The following CTNND2 variants were observed in gnomAD, a reference collection of about 807,000 sequenced individuals.
The protein encoded by CTNND2 is catenin delta 2.
A neutral mutation model predicts 144.4 loss-of-function variants in CTNND2; 22 were observed. The observed-to-expected ratio is 0.15, with a 90% CI of 0.11 to 0.22. CTNND2 has a LOEUF of 0.22. Ranked by LOEUF, CTNND2 falls within the 10% of genes least tolerant of loss-of-function variation. The pLI is 1.00. For missense variants in CTNND2, 1,353 were observed against 1,618.8 expected (o/e 0.84, Z 2.82); for synonymous variants, 751 against 695.6 (o/e 1.08, Z -1.25).
At chr5:11,878,711 C>T (rs1435673024) in intron 1 of CTNND2, among the ~76,000 whole-genome samples, 5 of 152,168 alleles carry the variant, frequency 3.3e-5, no homozygotes, top group Admixed American at 2.0e-4. Context: ...CTGCTTCATG[C>T]ACGTTAGCAG....
chr5:11,842,702 G>A (rs1361409621), intron 1 of CTNND2, among the ~76,000 whole-genome samples: 1 of 147,468 alleles, frequency 6.8e-6, no homozygotes, highest in Non-Finnish European at 1.5e-5. Context: ...CTGGGTGACA[G>A]AGACAGACTC....
intron 9 of CTNND2, among the ~76,000 whole-genome samples, chr5:11,326,871 A>G (rs1752588737): frequency 6.6e-6 from 1 of 152,224 alleles, no homozygotes; most frequent in Non-Finnish European, 1.5e-5. Context: ...GTGGGGGCAC[A>G]GCTGGGATTC....
intron 1 of CTNND2, among the ~76,000 whole-genome samples, chr5:11,805,353 C>T (rs1581914252): frequency 1.3e-5 from 2 of 152,042 alleles, no homozygotes; most frequent in East Asian, 3.9e-4. Flanking sequence ...AGTCTAAAAA[C>T]AAGGACACTC....
At chr5:11,353,129 T>C (rs1399790239) in intron 8 of CTNND2, among the ~76,000 whole-genome samples, 1 of 143,380 alleles carries the variant, frequency 7.0e-6, no homozygotes, top group Non-Finnish European at 1.5e-5. Flanking sequence ...AGGATAAAAA[T>C]AAATGCTACA....
Position 11,397,159 on chromosome 5 carries a change from G to A in CTNND2, c.484C>T (p.Pro162Ser), listed in dbSNP as rs1760221488. Residue 162 changes from proline (P) to serine (S), a missense_variant, in exon 6 of 22, where the codon CCT becomes TCT. Transcript: ENST00000304623. ...SQSALQLNSK[P>S]EGSFQYPASY... ...GCCGGATACTGGAAAGACCCTTCAG[G>A]TTTGGAATTGAGCTGAAGTGCACTC... 3 of 1,614,232 alleles carry A rather than the reference G, an allele frequency of 1.9e-6. No homozygotes were observed. Among genetic ancestry groups the A allele is most frequent in the Non-Finnish European group, 2.5e-6 (3 of 1,180,042 alleles).
At chr5:11,526,617 T>C (rs1313560771) in intron 3 of CTNND2, among the ~76,000 whole-genome samples, 3 of 152,208 alleles carry the variant, frequency 2.0e-5, no homozygotes, top group Non-Finnish European at 2.9e-5. Flanking sequence ...CTAAGCATTT[T>C]GTTATGTATT....
chr5:11,715,339 G>A (rs531832306), intron 2 of CTNND2, among the ~76,000 whole-genome samples: 8 of 151,936 alleles, frequency 5.3e-5, no homozygotes, highest in South Asian at 4.2e-4. Context: ...GTAATCTGTT[G>A]GGGAAAAAAA....
At chr5:11,331,248 T>C (rs1443617182) in intron 9 of CTNND2, among the ~76,000 whole-genome samples, 1 of 152,178 alleles carries the variant, frequency 6.6e-6, no homozygotes, top group Non-Finnish European at 1.5e-5. Context: ...AGAAAGGGTA[T>C]GCTTATTTTT....
At chr5:10,983,956 G>A (rs1030621813) in intron 20 of CTNND2, among the ~76,000 whole-genome samples, 2 of 152,236 alleles carry the variant, frequency 1.3e-5, no homozygotes, top group Admixed American at 6.5e-5. Flanking sequence ...GGCCAAACTT[G>A]TTTAGCTTCG....
chr5:11,323,445 G>C (rs1228889161), intron 9 of CTNND2, among the ~76,000 whole-genome samples: 1 of 152,134 alleles, frequency 6.6e-6, no homozygotes, highest in African/African-American at 2.4e-5. Context: ...ACTAAGTTGG[G>C]ACACAGTGAG....
chr5:11,011,662 G>T lies in CTNND2; in HGVS notation c.3084+6312C>A, dbSNP rs372474413. 1.4e-3 allele frequency among the ~76,000 whole-genome samples: 217 copies of T among 152,286 alleles called. 4 individuals are homozygous for T. In the South Asian group the frequency reaches 0.042, roughly 30 times the overall value. On this transcript the variant is annotated intron_variant, in intron 18 of 21. Transcript: ENST00000304623. ...ATCTACCACTTTAACAACAGGGACT[G>T]CCCTGACCCTTTCCATAGTAACTTT...
chr5:11,128,741 T>TTATATATACTA (rs1754952734), intron 12 of CTNND2, among the ~76,000 whole-genome samples: 1 of 61,980 alleles, frequency 1.6e-5, no homozygotes, highest in Non-Finnish European at 2.6e-5. Context: ...ATATATATAT[T>TTATATATACTA]TATATATATT....
At chr5:11,359,638 C>A (rs554692000) in intron 8 of CTNND2, among the ~76,000 whole-genome samples, 1 of 152,188 alleles carries the variant, frequency 6.6e-6, no homozygotes, top group Non-Finnish European at 1.5e-5. Context: ...TTTCTATCTG[C>A]CTCCCTGTTC....
At position 11,253,230 on chromosome 5, in the gene CTNND2, T is replaced by C. The variant is rs566616210; in HGVS notation, c.1629-16407A>G. ...TTGGCTTCTCACTGGGCCCCATTTG[T>C]TCAAATTCCTCCCAGATTTGTCATG... On this transcript the variant is annotated intron_variant, in intron 9 of 21. Transcript: ENST00000304623. Among the ~76,000 whole-genome samples, 31 of 152,328 alleles carry C rather than the reference T, an allele frequency of 2.0e-4. No homozygotes were observed. In the Middle Eastern group the frequency reaches 0.01, roughly 50 times the overall value.
At chr5:11,247,079 C>T (rs1019359447) in intron 9 of CTNND2, among the ~76,000 whole-genome samples, 2 of 152,174 alleles carry the variant, frequency 1.3e-5, no homozygotes, top group African/African-American at 4.8e-5. Context: ...TATTGACTCT[C>T]ATAAACTGCA....
At chr5:11,168,194 T>C (rs999101943) in intron 11 of CTNND2, among the ~76,000 whole-genome samples, 3 of 152,112 alleles carry the variant, frequency 2.0e-5, no homozygotes, top group Non-Finnish European at 4.4e-5. Flanking sequence ...AGTATACATA[T>C]CCTAGTTTCT....
At chr5:11,321,895 C>T (rs1580899852) in intron 9 of CTNND2, among the ~76,000 whole-genome samples, 3 of 152,020 alleles carry the variant, frequency 2.0e-5, no homozygotes, top group African/African-American at 7.2e-5. Flanking sequence ...CCCTATCTCC[C>T]CACTCCTTAT....
intron 3 of CTNND2, among the ~76,000 whole-genome samples, chr5:11,490,350 A>G (rs923089423): frequency 6.6e-6 from 1 of 152,244 alleles, no homozygotes; most frequent in Non-Finnish European, 1.5e-5. Context: ...TTTATAAAAC[A>G]TAATGTTAAA....
intron 15 of CTNND2, among the ~76,000 whole-genome samples, chr5:11,090,535 C>A (rs1433336447): frequency 6.6e-6 from 1 of 152,180 alleles, no homozygotes; most frequent in Non-Finnish European, 1.5e-5. Context: ...CTCATAGGAG[C>A]ACAAACCCTA....
Sources: gnomAD v4.1 joint callset for allele counts (sites outside exome capture counted in the v4.1 genomes callset) on GRCh38, gnomAD v4.1.1 for gene constraint, MANE v1.5 for transcripts, NCBI Gene and HGNC (gene_info 2026-07-23, HGNC 2026-07-21) for gene names.